PDE7A: variants seen among roughly 807,000 people sequenced by gnomAD.
PDE7A encodes high affinity 3',5'-cyclic-AMP phosphodiesterase 7A.
Under a neutral mutation model 64.3 loss-of-function variants are expected in PDE7A, and 39 were observed. The observed-to-expected ratio is 0.61, with a 90% CI of 0.47 to 0.79. The LOEUF is 0.79. Ranked by LOEUF, PDE7A falls within the 30% of genes least tolerant of loss-of-function variation. PDE7A has a pLI of 0.00. For synonymous variants in PDE7A, 203 were observed against 206.8 expected, an observed-to-expected ratio of 0.98 and a Z score of 0.16; for missense variants, 470 against 582.8, an observed-to-expected ratio of 0.81 and a Z score of 1.99.
intron 6 of PDE7A, among the ~76,000 whole-genome samples, chr8:65,738,063 T>C (rs1807228040): frequency 6.6e-6 from 1 of 152,182 alleles, no homozygotes; most frequent in South Asian, 2.1e-4. Flanking sequence ...AATATTGCAA[T>C]ATAGCAAGTC....
chr8:65,771,594 T>C (rs1809085843), intron 3 of PDE7A, among the ~76,000 whole-genome samples: 1 of 152,132 alleles, frequency 6.6e-6, no homozygotes, highest in South Asian at 2.1e-4. Flanking sequence ...GCGCACGCAG[T>C]GGCTCACGCG....
At chr8:65,722,905 A>G (rs1199667863) in intron 12 of PDE7A, 2 of 152,216 alleles carry the variant, frequency 1.3e-5, no homozygotes, top group Non-Finnish European at 2.9e-5. Flanking sequence ...TCTTCAAGAA[A>G]AATAACTCTA....
Position 65,779,686 on chromosome 8 carries a change from A to G in PDE7A, c.283+34T>C, listed in dbSNP as rs868666139. On this transcript the variant is annotated intron_variant, in intron 3 of 12. Transcript: ENST00000401827. ...GTAATTTTATTAAAATTTGTAGTGA[A>G]AATCCGAGAAACTTCATGTCTACCA... 2.8e-6 allele frequency: 3 copies of G among 1,086,934 alleles called. No homozygotes were observed. In the Middle Eastern group the frequency reaches 6.1e-4, roughly 219 times the overall value. 67.3% of individuals were successfully genotyped at this position (1,086,934 alleles called of 1,614,324 possible).
chr8:65,756,049 G>A (rs1808227673), intron 3 of PDE7A, among the ~76,000 whole-genome samples: 1 of 152,214 alleles, frequency 6.6e-6, no homozygotes, highest in Non-Finnish European at 1.5e-5. Flanking sequence ...GTGGTTGACA[G>A]TTTTTTGTTT....
intron 1 of PDE7A, among the ~76,000 whole-genome samples, chr8:65,796,079 T>A (rs1809834475): frequency 6.6e-6 from 1 of 150,486 alleles, no homozygotes; most frequent in South Asian, 2.1e-4. Context: ...TTACCTAACC[T>A]GATGCACACA....
rs970243415 is a variant in PDE7A, at chr8:65,715,535, G to A, written c.*3755C>T. Among the ~76,000 whole-genome samples, 3 of 151,630 alleles carry A rather than the reference G, an allele frequency of 2.0e-5. No individual in the cohort carries two copies. The highest frequency in any genetic ancestry group is 2.1e-4 in the South Asian group (1 of 4,790). On this transcript the variant is annotated 3_prime_UTR_variant, in exon 13 of 13. Transcript: ENST00000401827. The stretch of plus-strand genomic sequence containing the variant: ...TGGGATTACAGGAATGCGCCACCAC[G>A]CCCAGCTAATTTTTGCATTTTTAGT...
In PDE7A at chr8:65,734,934, G is replaced by A. The variant is rs1285831555; in HGVS notation, c.596-40C>T. 5 of 1,222,912 alleles carry A rather than the reference G, an allele frequency of 4.1e-6. No individual in the cohort carries two copies. The East Asian group carries it at 1.2e-4, about 29-fold the overall frequency. 75.8% of individuals were successfully genotyped at this position (1,222,912 alleles called of 1,614,324 possible). A position where few individuals can be genotyped will look rare whatever the true frequency, so the allele number is the denominator to read the frequency against. On this transcript the variant is annotated intron_variant, in intron 6 of 12. Coordinates refer to ENST00000401827, the MANE Select transcript of PDE7A (RefSeq NM_001242318.3). ...GAGATCCCGATTTTATTGTATATGA[G>A]CAACATATACAAGGACAAAAATTGT...
intron 3 of PDE7A, among the ~76,000 whole-genome samples, chr8:65,769,247 C>CAAAAAAA (rs61554087): frequency 9.4e-5 from 7 of 74,462 alleles, no homozygotes; most frequent in African/African-American, 1.5e-4. Flanking sequence ...GACTCAGTCT[C>CAAAAAAA]AAAAAAAAAA....
intron 3 of PDE7A, among the ~76,000 whole-genome samples, chr8:65,766,781 T>C (rs962502746): frequency 6.6e-6 from 1 of 152,194 alleles, no homozygotes; most frequent in Non-Finnish European, 1.5e-5. Context: ...AGGTTAACGT[T>C]AGCTGAATGA....
Position 65,758,855 on chromosome 8 carries a change from G to A in PDE7A, c.284-11052C>T, listed in dbSNP as rs542405539. 2.6e-5 allele frequency among the ~76,000 whole-genome samples: 4 copies of A among 152,274 alleles called. 1 individual carries two copies. The highest frequency in any genetic ancestry group is 2.0e-4 in the Admixed American group (3 of 15,306). On this transcript the variant is annotated intron_variant, in intron 3 of 12. Transcript: ENST00000401827. ...ATCCAGAATCAGGTCTATCCCATCT[G>A]TAGCCCCCCAGGGCTACCAGCATCA...
chr8:65,840,833 C>T (rs143708160), intron 1 of PDE7A, among the ~76,000 whole-genome samples: 27 of 152,372 alleles, frequency 1.8e-4, no homozygotes, highest in Admixed American at 2.6e-4. Context: ...CAGTACAGCC[C>T]AGCCACAGAA....
Position 65,841,198 on chromosome 8 carries a change from G to C in PDE7A, c.138+173C>G, listed in dbSNP as rs1214013415. Among the ~76,000 whole-genome samples the C allele has an allele frequency of 2.0e-5, 3 of 152,324 alleles. 1 individual carries two copies. The highest frequency in any genetic ancestry group is 4.1e-4 in the South Asian group (2 of 4,830). Reference sequence around the variant, plus strand: ...GTTTTGGGGAGGCTGGAGAACTGAGGGGGGACAGCCAGGAATATTCAAAGA... The same window carrying C: ...GTTTTGGGGAGGCTGGAGAACTGAGCGGGGACAGCCAGGAATATTCAAAGA... On this transcript the variant is annotated intron_variant, in intron 1 of 12. Transcript: ENST00000401827.
chr8:65,782,733 C>T, intron 2 of PDE7A, 50 bp downstream of exon 2: 1 of 980,510 alleles, frequency 1.0e-6, no homozygotes, highest in South Asian at 1.4e-5. Flanking sequence ...CAAATAACAA[C>T]AGGTAATAAC....
intron 3 of PDE7A, 98 bp downstream of exon 3, chr8:65,779,614 CATAATAGA>C (rs1420371523): frequency 1.6e-6 from 1 of 625,584 alleles, no homozygotes; most frequent in African/African-American, 1.9e-5. Flanking sequence ...ACATTCCAAA[CATAATAGA>C]GTTTTTTTTC....
At chr8:65,774,976 G>A (rs556774433) in intron 3 of PDE7A, among the ~76,000 whole-genome samples, 6 of 152,108 alleles carry the variant, frequency 3.9e-5, no homozygotes, top group Non-Finnish European at 7.4e-5. Flanking sequence ...CTCACAGACC[G>A]CACTTTAAGT....
intron 5 of PDE7A, among the ~76,000 whole-genome samples, chr8:65,740,734 A>G (rs534247064): frequency 5.3e-5 from 8 of 152,026 alleles, no homozygotes; most frequent in Non-Finnish European, 1.0e-4. Context: ...CAATCCATCC[A>G]CACCTCCTCA....
intron 3 of PDE7A, chr8:65,765,486 C>A: frequency 3.0e-5 from 1 of 32,878 alleles, no homozygotes; most frequent in Non-Finnish European, 4.8e-5. Context: ...GAGACTCCGT[C>A]TCAAAAAAAA....
At chr8:65,825,092 T>C (rs1291303171) in intron 1 of PDE7A, among the ~76,000 whole-genome samples, 1 of 152,174 alleles carries the variant, frequency 6.6e-6, no homozygotes, top group Non-Finnish European at 1.5e-5. Context: ...TCAAGATTTA[T>C]GCACAAAAAT....
intron 7 of PDE7A, chr8:65,727,870 T>C (rs1356851176): frequency 6.6e-6 from 1 of 152,194 alleles, no homozygotes; most frequent in Non-Finnish European, 1.5e-5. Flanking sequence ...TTCATAACAA[T>C]GATACAATGT....
Sources: allele counts gnomAD v4.1 joint callset (sites outside exome capture counted in the v4.1 genomes callset), GRCh38; gene constraint gnomAD v4.1.1; transcripts MANE v1.5; gene names NCBI Gene and HGNC (gene_info 2026-07-23, HGNC 2026-07-21).